DPP6: variants seen among roughly 807,000 people sequenced by gnomAD.
The protein encoded by DPP6 is dipeptidyl peptidase like 6, also known as A-type potassium channel modulatory protein DPP6.
In DPP6, 69 loss-of-function variants were observed where a neutral mutation model predicts 122.6. The ratio of observed to expected loss-of-function variants is 0.56; its 90% CI spans 0.46 to 0.69. The LOEUF is 0.69. Ranked by LOEUF, DPP6 falls within the 30% of genes least tolerant of loss-of-function variation. The pLI is 0.00. For missense variants in DPP6, 928 were observed against 1,116.9 expected (o/e 0.83, Z 2.41); for synonymous variants, 418 against 433.1 (o/e 0.97, Z 0.43).
At chr7:154,463,368 C>T (rs536329830) in intron 2 of DPP6, among the ~76,000 whole-genome samples, 46 of 151,886 alleles carry the variant, frequency 3.0e-4, no homozygotes, top group Middle Eastern at 3.4e-3. Context: ...CCACCACGCC[C>T]GGCTAATTTT....
intron 1 of DPP6, among the ~76,000 whole-genome samples, chr7:154,144,515 C>T (rs1474589456): frequency 1.3e-5 from 2 of 151,892 alleles, no homozygotes; most frequent in African/African-American, 4.8e-5. Flanking sequence ...GGCTTAGAAA[C>T]CATCTTTCCT....
At chr7:154,525,674 C>T (rs1716541629) in intron 3 of DPP6, among the ~76,000 whole-genome samples, 1 of 152,044 alleles carries the variant, frequency 6.6e-6, no homozygotes, top group Non-Finnish European at 1.5e-5. Flanking sequence ...TGGTCCATAC[C>T]AAATATCTAG....
At chr7:154,815,831 A>C (rs989256992) in intron 16 of DPP6, among the ~76,000 whole-genome samples, 27 of 152,148 alleles carry the variant, frequency 1.8e-4, no homozygotes, top group African/African-American at 6.3e-4. Context: ...AGACTTTAAG[A>C]AGTTTGGTCT....
At chr7:154,012,457 C>G (rs1363165681) in intron 1 of DPP6, among the ~76,000 whole-genome samples, 1 of 152,036 alleles carries the variant, frequency 6.6e-6, no homozygotes, top group Non-Finnish European at 1.5e-5. Flanking sequence ...AAAGGGAAAA[C>G]AAGATAAATT....
chr7:154,011,598 A>G (rs533082656), intron 1 of DPP6, among the ~76,000 whole-genome samples: 89 of 152,324 alleles, frequency 5.8e-4, no homozygotes, highest in Non-Finnish European at 6.0e-4. Flanking sequence ...CGAGAGATCA[A>G]TTTTGCATAT....
intron 16 of DPP6, among the ~76,000 whole-genome samples, chr7:154,841,564 G>A (rs1171143056): frequency 6.6e-6 from 1 of 151,942 alleles, no homozygotes; most frequent in African/African-American, 2.4e-5. Flanking sequence ...CTGAATTTTG[G>A]GAATGTACTG....
intron 1 of DPP6, among the ~76,000 whole-genome samples, chr7:154,115,578 G>A (rs1312653206): frequency 6.6e-6 from 1 of 152,170 alleles, no homozygotes; most frequent in African/African-American, 2.4e-5. Flanking sequence ...GTCTACTCCT[G>A]AGGTCTTGGG....
At chr7:154,396,632 A>G (rs1815112852) in intron 1 of DPP6, among the ~76,000 whole-genome samples, 1 of 152,234 alleles carries the variant, frequency 6.6e-6, no homozygotes. Context: ...GATATTTTTC[A>G]TTACACAGAG....
chr7:154,416,107 T>C (rs1202565100), intron 1 of DPP6, among the ~76,000 whole-genome samples: 1 of 152,130 alleles, frequency 6.6e-6, no homozygotes, highest in African/African-American at 2.4e-5. Context: ...CACACTGTTC[T>C]GAGTAGCATT....
chr7:154,882,660 T>A (rs1255895218), intron 21 of DPP6, among the ~76,000 whole-genome samples: 1 of 151,536 alleles, frequency 6.6e-6, no homozygotes, highest in East Asian at 1.9e-4. Flanking sequence ...GTTCTGCAGT[T>A]TCCCCCCCGA....
At chr7:154,364,282 C>T (rs1286579068) in intron 1 of DPP6, among the ~76,000 whole-genome samples, 1 of 152,126 alleles carries the variant, frequency 6.6e-6, no homozygotes, top group East Asian at 1.9e-4. Context: ...GTCACCATCC[C>T]CGCCCTCAGA....
At chr7:154,456,738 A>AGAGGGAGATTTGACACAGACGAAGG (rs757755368) in intron 2 of DPP6, among the ~76,000 whole-genome samples, 4 of 113,780 alleles carry the variant, frequency 3.5e-5, no homozygotes, top group South Asian at 3.1e-4. Context: ...AGAAGGAAAT[A>AGAGGGAGATTTGACACAGACGAAGG]AGAATGCTTG....
intron 5 of DPP6, among the ~76,000 whole-genome samples, chr7:154,625,826 A>G (rs1224901825): frequency 2.0e-5 from 3 of 152,192 alleles, no homozygotes; most frequent in Non-Finnish European, 1.5e-5. Context: ...CCTTCCCACA[A>G]TTCATCCCAT....
chr7:154,073,256 G>A lies in DPP6; in HGVS notation c.243+20193G>A, dbSNP rs184479626. Among the ~76,000 whole-genome samples the A allele has an allele frequency of 3.7e-3, 560 of 152,358 alleles. 1 individual carries two copies. The highest frequency in any genetic ancestry group is 0.011 in the African/African-American group (456 of 41,596). On this transcript the variant is annotated intron_variant, in intron 1 of 25. Coordinates refer to ENST00000377770, the MANE Select transcript of DPP6 (RefSeq NM_130797.4). ...GGGATTGTGGCTGCTTTCAGGCACCGTCATGGCCTTCCATGGTCCTCTGTC... is the reference window on the plus strand; with the variant it reads ...GGGATTGTGGCTGCTTTCAGGCACCATCATGGCCTTCCATGGTCCTCTGTC...
intron 1 of DPP6, among the ~76,000 whole-genome samples, chr7:154,027,452 G>A (rs1308901824): frequency 3.3e-5 from 5 of 152,176 alleles, no homozygotes; most frequent in Non-Finnish European, 4.4e-5. Context: ...ATGGCTTCTC[G>A]CTGTGTCCTC....
At chr7:153,819,063 T>TC in the DPP6 span, among the ~76,000 whole-genome samples, 2 of 94,404 alleles carry the variant, frequency 2.1e-5, no homozygotes, top group Non-Finnish European at 4.0e-5. Context: ...TTTTTTTTTT[T>TC]CCCCTTTTCT....
chr7:153,767,960 T>A, the DPP6 span, among the ~76,000 whole-genome samples: 1 of 152,012 alleles, frequency 6.6e-6, no homozygotes, highest in African/African-American at 2.4e-5. Context: ...AAGCATGAGG[T>A]CTTTTAAGAA....
At chr7:154,038,104 A>G (rs530599858) in intron 1 of DPP6, among the ~76,000 whole-genome samples, 129 of 148,190 alleles carry the variant, frequency 8.7e-4, no homozygotes, top group South Asian at 8.4e-4. Flanking sequence ...GTTCTTACAT[A>G]TAATAGAAAC....
chr7:154,159,396 T>C (rs909126113), intron 1 of DPP6, among the ~76,000 whole-genome samples: 1 of 152,196 alleles, frequency 6.6e-6, no homozygotes, highest in South Asian at 2.1e-4. Flanking sequence ...GATTTTTACC[T>C]TTTTTTTCAT....
Sources: gnomAD v4.1 joint callset for allele counts (sites outside exome capture counted in the v4.1 genomes callset) on GRCh38, gnomAD v4.1.1 for gene constraint, MANE v1.5 for transcripts, NCBI Gene and HGNC (gene_info 2026-07-23, HGNC 2026-07-21) for gene names.